The following MFSD6 variants were observed in gnomAD, a reference collection of about 807,000 sequenced individuals.
MFSD6 encodes the protein major facilitator superfamily domain-containing protein 6.
Under a neutral mutation model 56.3 loss-of-function variants are expected in MFSD6, and 26 were observed. The ratio of observed to expected loss-of-function variants is 0.46; its 90% CI spans 0.34 to 0.64. The LOEUF is 0.64. Ranked by LOEUF, MFSD6 falls within the 30% of genes least tolerant of loss-of-function variation. The pLI, the probability that MFSD6 is intolerant of heterozygous loss-of-function variation, is 0.01. For synonymous variants in MFSD6, 331 were observed against 366.9 expected (o/e 0.90, Z 1.12); for missense variants, 750 against 986.2 (o/e 0.76, Z 3.21).
In MFSD6 at chr2:190,482,868, C is replaced by CTTTTT. The variant is rs199927176; in HGVS notation, c.1631-5758_1631-5754dup. Among the ~76,000 whole-genome samples the CTTTTT allele has an allele frequency of 3.7e-4, 18 of 48,284 alleles. 2 individuals are homozygous for CTTTTT. Among genetic ancestry groups the CTTTTT allele is most frequent in the East Asian group, 7.0e-4 (1 of 1,432 alleles). 31.7% of individuals were successfully genotyped at this position (48,284 alleles called of 152,430 possible). A position where few individuals can be genotyped will look rare whatever the true frequency, so the allele number is the denominator to read the frequency against. On this transcript the variant is annotated intron_variant, in intron 4 of 7. Transcript: ENST00000392328. ...GGAGAAGAGTTATTAAGACTATCAT[C>CTTTTT]TTTTTTTTTTTTTTTTTTTTTTTTT... is the stretch of plus-strand genomic sequence containing the variant.
Position 190,499,274 on chromosome 2 carries a change from G to T in MFSD6, c.2173-741G>T, listed in dbSNP as rs1689894580. On this transcript the variant is annotated intron_variant, in intron 7 of 7. Transcript: ENST00000392328. The surrounding 1 kb of genome is among the most constrained non-coding windows in gnomAD (Gnocchi z 6.0). ...ATACTAAGTTTCTTTTTCTTTCATT[G>T]TAGAATCACAGAAATGAACATTTTT... Among the ~76,000 whole-genome samples, 1 of 152,148 alleles carries T rather than the reference G, an allele frequency of 6.6e-6. No individual in the cohort carries two copies. Among genetic ancestry groups the T allele is most frequent in the Admixed American group, 6.5e-5 (1 of 15,274 alleles).
chr2:190,473,041 G>T (rs983496371), intron 4 of MFSD6, among the ~76,000 whole-genome samples: 8 of 152,172 alleles, frequency 5.3e-5, no homozygotes, highest in African/African-American at 1.9e-4. Context: ...AATGCTGAGA[G>T]ATTTTGTCAC....
At chr2:190,460,458 C>T (rs764128516) in intron 3 of MFSD6, among the ~76,000 whole-genome samples, 17 of 152,146 alleles carry the variant, frequency 1.1e-4, no homozygotes, top group Non-Finnish European at 2.4e-4. Flanking sequence ...TAGCACTTAG[C>T]ATAGAGTATG....
rs965712690 is a variant in MFSD6 at position 190,497,817 on chromosome 2, T to C, written c.2172+98T>C. On this transcript the variant is annotated intron_variant, in intron 7 of 7. Transcript: ENST00000392328. This position sits in a 1 kb window ranked among gnomAD's most constrained non-coding sequence, Gnocchi z 5.2. ...CTCACTTTTCATTCAACAAGATTTA[T>C]TGAAAGTCTGGTGGGGGAAATAGAC... The C allele has an allele frequency of 5.9e-5, 82 of 1,389,596 alleles. 1 individual carries two copies. Among genetic ancestry groups the C allele is most frequent in the Middle Eastern group, 3.7e-4 (2 of 5,396 alleles). The allele number at this position is 1,389,596 out of a possible 1,614,324, so 86.1% of individuals were successfully genotyped here. A position where few individuals can be genotyped will look rare whatever the true frequency, so the allele number is the denominator to read the frequency against.
chr2:190,419,241 GC>G (rs1004743183), intron 2 of MFSD6, among the ~76,000 whole-genome samples: 64 of 152,336 alleles, frequency 4.2e-4, no homozygotes, highest in African/African-American at 1.5e-3. Flanking sequence ...ATGTTTGAGT[GC>G]GGTGTGTGAA....
In MFSD6 at chr2:190,454,419, G is replaced by A. The variant is rs531903327; in HGVS notation, c.1533-15339G>A. 1 of 152,194 alleles carries A rather than the reference G, an allele frequency of 6.6e-6. No individual in the cohort carries two copies. Among genetic ancestry groups the A allele is most frequent in the Non-Finnish European group, 1.5e-5 (1 of 68,084 alleles). The allele number at this position is 152,194 out of a possible 1,614,324, so 9.4% of individuals were successfully genotyped here. ...ATGCTATTTAGAGATGGGATCTTTG[G>A]GAGGTAATGAAGTTTAGAGGTCATG... On this transcript the variant is annotated intron_variant, in intron 3 of 7. Coordinates refer to ENST00000392328, the MANE Select transcript of MFSD6 (RefSeq NM_017694.4). The surrounding 1 kb of genome is among the most constrained non-coding windows in gnomAD (Gnocchi z 4.6).
At chr2:190,481,687 T>C (rs548552773) in intron 4 of MFSD6, among the ~76,000 whole-genome samples, 4 of 152,380 alleles carry the variant, frequency 2.6e-5, no homozygotes, top group Admixed American at 6.5e-5. Context: ...TGGCACATAA[T>C]ATAGATGCTG....
rs531897351 is a variant in MFSD6 at position 190,413,590 on chromosome 2, G to A, written c.-175-1702G>A. 6.6e-6 allele frequency among the ~76,000 whole-genome samples: 1 copy of A among 152,332 alleles called. No individual in the cohort carries two copies. Among genetic ancestry groups the A allele is most frequent in the Non-Finnish European group, 1.5e-5 (1 of 68,028 alleles). On this transcript the variant is annotated intron_variant, in intron 1 of 7. Transcript: ENST00000392328. This position sits in a 1 kb window ranked among gnomAD's most constrained non-coding sequence, Gnocchi z 4.1. ...ACACTATGAATCAGCAGTGGGCAGA[G>A]TGAGCTCTGGTGTGTGGCTTTGAGG...
At chr2:190,478,964 C>T (rs1173878117) in intron 4 of MFSD6, among the ~76,000 whole-genome samples, 3 of 152,114 alleles carry the variant, frequency 2.0e-5, no homozygotes, top group Non-Finnish European at 4.4e-5. Context: ...AAAGATGTGC[C>T]TCATTCTATA....
rs1559141352 is a variant in MFSD6, at chr2:190,489,704, G to A, written c.1793-64G>A. ...TGCTTTGATCTTTAGAAAACTGATG[G>A]TTTTAGATGAGCGCTATCTGCATTT... On this transcript the variant is annotated intron_variant, in intron 5 of 7. Transcript: ENST00000392328. This position sits in a 1 kb window ranked among gnomAD's most constrained non-coding sequence, Gnocchi z 6.6. The A allele has an allele frequency of 1.4e-6, 2 of 1,456,064 alleles. No individual in the cohort carries two copies. Among genetic ancestry groups the A allele is most frequent in the African/African-American group, 1.4e-5 (1 of 70,944 alleles). 90.2% of individuals were successfully genotyped at this position (1,456,064 alleles called of 1,614,324 possible). A position where few individuals can be genotyped will look rare whatever the true frequency, so the allele number is the denominator to read the frequency against.
Position 190,412,250 on chromosome 2 carries a change from C to T in MFSD6, c.-175-3042C>T, listed in dbSNP as rs889120732. The T allele has an allele frequency of 1.0e-6, 1 of 984,534 alleles. No individual in the cohort carries two copies. The highest frequency in any genetic ancestry group is 6.2e-5 in the Admixed American group (1 of 16,248). The allele number at this position is 984,534 out of a possible 1,614,324, so 61.0% of individuals were successfully genotyped here. ...CTTTTCAGAATCAAGAAAACACATG[C>T]TTAAACTTGGTTAATTATCATTGTG... On this transcript the variant is annotated intron_variant, in intron 1 of 7. Transcript: ENST00000392328. The surrounding 1 kb of genome is among the most constrained non-coding windows in gnomAD (Gnocchi z 4.1).
intron 3 of MFSD6, among the ~76,000 whole-genome samples, chr2:190,453,295 G>A (rs747292662): frequency 2.6e-5 from 4 of 152,084 alleles, no homozygotes; most frequent in Non-Finnish European, 5.9e-5. Context: ...GTGGGCTCTG[G>A]GTAGGGGAAG....
At chr2:190,414,566 T>C (rs1690698549) in intron 1 of MFSD6, among the ~76,000 whole-genome samples, 1 of 152,216 alleles carries the variant, frequency 6.6e-6, no homozygotes, top group South Asian at 2.1e-4. Flanking sequence ...TCAAAGTCCT[T>C]GTGACAGTCC....
At chr2:190,445,908 T>G (rs1423660117) in intron 3 of MFSD6, among the ~76,000 whole-genome samples, 3 of 152,220 alleles carry the variant, frequency 2.0e-5, no homozygotes, top group African/African-American at 7.2e-5. Flanking sequence ...GAGCTGAGAT[T>G]TAAAAACAGT....
rs1352504249 is a variant in MFSD6, at chr2:190,456,107, A to G, written c.1533-13651A>G. Among the ~76,000 whole-genome samples the G allele has an allele frequency of 6.6e-6, 1 of 151,430 alleles. No individual in the cohort carries two copies. The highest frequency in any genetic ancestry group is 6.6e-5 in the Admixed American group (1 of 15,202). On this transcript the variant is annotated intron_variant, in intron 3 of 7. Coordinates refer to ENST00000392328, the MANE Select transcript of MFSD6 (RefSeq NM_017694.4). The surrounding 1 kb of genome is among the most constrained non-coding windows in gnomAD (Gnocchi z 5.4). ...AGGCATGCATCACCATGCCCAGCTA[A>G]TTTTTATATTTTTAGTAGAGATGGG...
chr2:190,483,704 A>G (rs188315685), intron 4 of MFSD6, among the ~76,000 whole-genome samples: 86 of 152,120 alleles, frequency 5.7e-4, no homozygotes, highest in African/African-American at 1.9e-3. Context: ...GCGTGGTGGC[A>G]CACACCTGTA....
chr2:190,411,010 G>A (rs76436001), intron 1 of MFSD6: 97,205 of 417,762 alleles, frequency 0.23, 11,996 homozygotes, highest in Middle Eastern at 0.3. Flanking sequence ...AGCCGAGATC[G>A]CGCCACTGCA....
chr2:190,418,793 C>T lies in MFSD6; in HGVS notation c.-54+3380C>T, dbSNP rs1690896650. ...CAAAACAAAAGAATGACAAGGGTGC[C>T]AGGTTCTAGTTTCTGGGAGGAGTTT... is the stretch of plus-strand genomic sequence containing the variant. On this transcript the variant is annotated intron_variant, in intron 2 of 7. Transcript: ENST00000392328. This position sits in a 1 kb window ranked among gnomAD's most constrained non-coding sequence, Gnocchi z 4.1. Among the ~76,000 whole-genome samples the T allele has an allele frequency of 6.6e-6, 1 of 152,134 alleles. No individual in the cohort carries two copies. Among genetic ancestry groups the T allele is most frequent in the Non-Finnish European group, 1.5e-5 (1 of 68,020 alleles).
In MFSD6 at chr2:190,477,154, T is replaced by C. The variant is rs998699593; in HGVS notation, c.1630+7299T>C. On this transcript the variant is annotated intron_variant, in intron 4 of 7. Coordinates refer to ENST00000392328, the MANE Select transcript of MFSD6 (RefSeq NM_017694.4). ...CACCAATATGGCACATGTATACATA[T>C]GTAACAAACCTGCACGTTGTGCACA... 1.0e-5 allele frequency: 6 copies of C among 599,786 alleles called. No homozygotes were observed. The African/African-American group carries it at 1.0e-4, about 10-fold the overall frequency. 37.2% of individuals were successfully genotyped at this position (599,786 alleles called of 1,614,324 possible). A position where few individuals can be genotyped will look rare whatever the true frequency, so the allele number is the denominator to read the frequency against.
Sources: gnomAD v4.1 joint callset for allele counts (sites outside exome capture counted in the v4.1 genomes callset) on GRCh38, gnomAD v4.1.1 for gene constraint, Gnocchi (gnomAD v3.1) non-coding constraint, MANE v1.5 for transcripts, NCBI Gene and HGNC (gene_info 2026-07-23, HGNC 2026-07-21) for gene names.